Variants in CAPN1 observed in about 807,000 individuals in gnomAD.
The protein encoded by CAPN1 is calpain 1.
CAPN1 carries 77 observed loss-of-function variants against 105.2 expected under a neutral mutation model. The observed-to-expected ratio is 0.73, with a 90% confidence interval of 0.61 to 0.88. The LOEUF is 0.88. Among genes scored for constraint, CAPN1 ranks in the 40% least tolerant of loss-of-function variants. CAPN1 has a pLI of 0.00. For missense variants in CAPN1, 833 were observed against 976.6 expected, an observed-to-expected ratio of 0.85 and a Z score of 1.96; for synonymous variants, 355 against 388.8, an observed-to-expected ratio of 0.91 and a Z score of 1.02.
In CAPN1 at chr11:65,208,515, C is replaced by CA. The variant is rs1948997610; in HGVS notation, c.1729+254dup. Reference sequence around the variant, plus strand: ...CGCAGCCTGGCCAGGCACAGTGGCTCACACCTGTAGTCCCAACACTCTGGG... The same window carrying CA: ...CGCAGCCTGGCCAGGCACAGTGGCTCAACACCTGTAGTCCCAACACTCTGGG... On this transcript the variant is annotated intron_variant, in intron 16 of 21. Coordinates refer to ENST00000279247, the MANE Select transcript of CAPN1 (RefSeq NM_005186.4). The surrounding 1 kb of genome is among the most constrained non-coding windows in gnomAD (Gnocchi z 4.1). The CA allele has an allele frequency of 3.5e-6, 2 of 569,824 alleles. No homozygotes were observed. The highest frequency in any genetic ancestry group is 5.8e-5 in the Admixed American group (2 of 34,626). The allele number at this position is 569,824 out of a possible 1,614,324, so 35.3% of individuals were successfully genotyped here. A position where few individuals can be genotyped will look rare whatever the true frequency, so the allele number is the denominator to read the frequency against.
At position 65,210,313 on chromosome 11, in the gene CAPN1, C is replaced by A. The variant is rs17883292; in HGVS notation, c.1943-23C>A. ...TGGGCAGGGGCTGCGCCTCACTGAC[C>A]TTCACTCACTCTCCTGGACCAGGCT... is the stretch of plus-strand genomic sequence containing the variant. On this transcript the variant is annotated intron_variant, in intron 19 of 21. Coordinates refer to ENST00000279247, the MANE Select transcript of CAPN1 (RefSeq NM_005186.4). This position sits in a 1 kb window ranked among gnomAD's most constrained non-coding sequence, Gnocchi z 4.3. 2.2e-3 allele frequency: 3,462 copies of A among 1,553,690 alleles called. 66 individuals are homozygous for A. The African/African-American group carries it at 0.038, about 17-fold the overall frequency.
At position 65,209,192 on chromosome 11, in the gene CAPN1, T is replaced by A. The variant is rs1430215082; in HGVS notation, c.1730-131T>A. The A allele has an allele frequency of 1.4e-6, 1 of 694,770 alleles. No individual in the cohort carries two copies. Among genetic ancestry groups the A allele is most frequent in the African/African-American group, 1.8e-5 (1 of 56,690 alleles). 43.0% of individuals were successfully genotyped at this position (694,770 alleles called of 1,614,324 possible). A position where few individuals can be genotyped will look rare whatever the true frequency, so the allele number is the denominator to read the frequency against. On this transcript the variant is annotated intron_variant, in intron 16 of 21. Coordinates refer to ENST00000279247, the MANE Select transcript of CAPN1 (RefSeq NM_005186.4). The surrounding 1 kb of genome is among the most constrained non-coding windows in gnomAD (Gnocchi z 4.1). ...TGATGATACAAACAATCCTGCCCAC[T>A]TCCTCTGCCAGATATTGCACCCACT...
Position 65,211,309 on chromosome 11 carries a change from C to A in CAPN1, c.*23C>A, listed in dbSNP as rs1443122491. 1 of 1,610,504 alleles carries A rather than the reference C, an allele frequency of 6.2e-7. No homozygotes were observed. Among genetic ancestry groups the A allele is most frequent in the African/African-American group, 1.3e-5 (1 of 74,988 alleles). ...TGAGGCAGGGACTCGGTCCCCCTTGCCGTGCTCCCCTCCCTCCTCGTCTGC... is the reference window on the plus strand; with the variant it reads ...TGAGGCAGGGACTCGGTCCCCCTTGACGTGCTCCCCTCCCTCCTCGTCTGC... On this transcript the variant is annotated 3_prime_UTR_variant, in exon 22 of 22. Coordinates refer to ENST00000279247, the MANE Select transcript of CAPN1 (RefSeq NM_005186.4).
At chr11:65,195,944 G>A (rs570294631) in intron 10 of CAPN1, among the ~76,000 whole-genome samples, 1 of 152,020 alleles carries the variant, frequency 6.6e-6, no homozygotes, top group East Asian at 1.9e-4. Flanking sequence ...TTTTTCCTAG[G>A]TCAGTTTTGG....
In CAPN1 at chr11:65,186,338, C is replaced by T. The variant is rs185612692; in HGVS notation, c.759C>T (p.Asp253=). Residue 253 remains aspartate, a splice_region_variant and synonymous_variant, in exon 6 of 22, where the codon GAC becomes GAT. Transcript: ENST00000279247. The stretch of plus-strand genomic sequence containing the variant: ...GCTCCCTGCTGGGCTGCTCCATAGA[C>T]GTGAGTGTGCCCGGCCCCGATGCTT... ...ERGSLLGCSI[D]ISSVLDMEAI... 485 of 1,608,952 alleles carry T rather than the reference C, an allele frequency of 3.0e-4. 1 individual carries two copies. In the African/African-American group the frequency reaches 3.5e-3, roughly 12 times the overall value.
intron 10 of CAPN1, among the ~76,000 whole-genome samples, chr11:65,199,505 C>T (rs1311099937): frequency 6.6e-6 from 1 of 152,162 alleles, no homozygotes; most frequent in African/African-American, 2.4e-5. Context: ...TAGTCATGAT[C>T]TTTGAGAATA....
In CAPN1 at chr11:65,208,154, G is replaced by A. The variant is rs760453239; in HGVS notation, c.1671+34G>A. 8.8e-6 allele frequency: 14 copies of A among 1,597,568 alleles called. No homozygotes were observed. On this transcript the variant is annotated intron_variant, in intron 15 of 21. Transcript: ENST00000279247. This position sits in a 1 kb window ranked among gnomAD's most constrained non-coding sequence, Gnocchi z 4.1. ...GGGCATGGCAGGTTGGGAGGGGCCTGTGAGGGGCAGCCCTCTCCTGGGGCA... is the reference window on the plus strand; with the variant it reads ...GGGCATGGCAGGTTGGGAGGGGCCTATGAGGGGCAGCCCTCTCCTGGGGCA...
At chr11:65,190,706 T>TTG in intron 10 of CAPN1, among the ~76,000 whole-genome samples, 1 of 128,738 alleles carries the variant, frequency 7.8e-6, no homozygotes, top group East Asian at 2.3e-4. Flanking sequence ...GTTGTTGGTT[T>TTG]TTTTTGTTTT....
At chr11:65,198,705 T>G (rs562183447) in intron 10 of CAPN1, among the ~76,000 whole-genome samples, 2 of 152,226 alleles carry the variant, frequency 1.3e-5, no homozygotes, top group African/African-American at 4.8e-5. Flanking sequence ...AACATATCCT[T>G]TTGTATTTCC....
chr11:65,211,414 C>T lies in CAPN1; in HGVS notation c.*128C>T. 1 of 800,140 alleles carries T rather than the reference C, an allele frequency of 1.2e-6. No individual in the cohort carries two copies. The highest frequency in any genetic ancestry group is 2.1e-6 in the Non-Finnish European group (1 of 475,886). 49.6% of individuals were successfully genotyped at this position (800,140 alleles called of 1,614,324 possible). The stretch of plus-strand genomic sequence containing the variant: ...CTTGGAGCAGAGAGGCAGCCTCGTC[C>T]TCCTGTCCCCTCTCCTCCCAGCCAC... On this transcript the variant is annotated 3_prime_UTR_variant, in exon 22 of 22. Coordinates refer to ENST00000279247, the MANE Select transcript of CAPN1 (RefSeq NM_005186.4).
At chr11:65,185,834 T>C in intron 4 of CAPN1, 83 bp from the exon 5 acceptor site, 2 of 1,415,870 alleles carry the variant, frequency 1.4e-6, no homozygotes, top group Non-Finnish European at 1.9e-6. Context: ...TGTAGAATCC[T>C]GCATCTAGGA....
chr11:65,181,617 C>G (rs562239019), upstream of CAPN1: 361 of 407,514 alleles, frequency 8.9e-4, 7 homozygotes, highest in South Asian at 5.7e-3. The surrounding 1 kb of genome is among the most constrained non-coding windows in gnomAD (Gnocchi z 4.6). Flanking sequence ...AAAAATACCC[C>G]CTGCCCGGCC....
intron 10 of CAPN1, among the ~76,000 whole-genome samples, chr11:65,193,594 G>A (rs569647985): frequency 4.9e-5 from 7 of 143,332 alleles, no homozygotes; most frequent in East Asian, 2.1e-4. Context: ...GCAGTGAGCC[G>A]AGGTCGCGCC....
Position 65,208,462 on chromosome 11 carries a change from G to A in CAPN1, c.1729+200G>A, listed in dbSNP as rs2137395802. ...TGCCATCCTGATAATCCCTGTGCTCGGGTGCTGTGCCTTTGTGGGATTAGC... is the reference window on the plus strand; with the variant it reads ...TGCCATCCTGATAATCCCTGTGCTCAGGTGCTGTGCCTTTGTGGGATTAGC... On this transcript the variant is annotated intron_variant, in intron 16 of 21. Coordinates refer to ENST00000279247, the MANE Select transcript of CAPN1 (RefSeq NM_005186.4). This position sits in a 1 kb window ranked among gnomAD's most constrained non-coding sequence, Gnocchi z 4.1. 1.6e-6 allele frequency: 1 copy of A among 634,610 alleles called. No individual in the cohort carries two copies. Among genetic ancestry groups the A allele is most frequent in the South Asian group, 1.8e-5 (1 of 55,638 alleles). The allele number at this position is 634,610 out of a possible 1,614,324, so 39.3% of individuals were successfully genotyped here. A position where few individuals can be genotyped will look rare whatever the true frequency, so the allele number is the denominator to read the frequency against.
chr11:65,209,443 G>C lies in CAPN1; in HGVS notation c.1794+56G>C. The C allele has an allele frequency of 6.9e-7, 1 of 1,451,444 alleles. No homozygotes were observed. Among genetic ancestry groups the C allele is most frequent in the Non-Finnish European group, 9.6e-7 (1 of 1,041,262 alleles). The allele number at this position is 1,451,444 out of a possible 1,614,324, so 89.9% of individuals were successfully genotyped here. A position where few individuals can be genotyped will look rare whatever the true frequency, so the allele number is the denominator to read the frequency against. ...TGGGGTTTTGGGTGGAGGTATCGGT[G>C]CTGGGAGAACTGTCCCAGGACAGCA... On this transcript the variant is annotated intron_variant, in intron 17 of 21. Coordinates refer to ENST00000279247, the MANE Select transcript of CAPN1 (RefSeq NM_005186.4). The surrounding 1 kb of genome is among the most constrained non-coding windows in gnomAD (Gnocchi z 4.1).
chr11:65,194,404 GATAC>G (rs1488747459), intron 10 of CAPN1, among the ~76,000 whole-genome samples: 1 of 152,138 alleles, frequency 6.6e-6, no homozygotes, highest in Non-Finnish European at 1.5e-5. Flanking sequence ...ACACAATTTT[GATAC>G]ATAGTGTTTT....
At chr11:65,193,298 T>G (rs998167167) in intron 10 of CAPN1, among the ~76,000 whole-genome samples, 2 of 152,096 alleles carry the variant, frequency 1.3e-5, no homozygotes, top group African/African-American at 2.4e-5. Context: ...TATACTCTTA[T>G]GTCTCGTGTA....
At chr11:65,211,083 C>T (rs1347539806) in intron 21 of CAPN1, 177 bp from the exon 22 acceptor site, 1 of 775,608 alleles carries the variant, frequency 1.3e-6, no homozygotes, top group African/African-American at 1.7e-5. Flanking sequence ...TTGGAGGCCC[C>T]TATGGGAGCA....
intron 4 of CAPN1, among the ~76,000 whole-genome samples, chr11:65,183,831 G>C (rs551598784): frequency 6.6e-6 from 1 of 152,148 alleles, no homozygotes; most frequent in Non-Finnish European, 1.5e-5. Flanking sequence ...TGAAAGAACA[G>C]AAAGACTTTT....
Sources: gnomAD v4.1 joint callset for allele counts (sites outside exome capture counted in the v4.1 genomes callset) on GRCh38, gnomAD v4.1.1 for gene constraint, Gnocchi (gnomAD v3.1) non-coding constraint, MANE v1.5 for transcripts, NCBI Gene and HGNC (gene_info 2026-07-23, HGNC 2026-07-21) for gene names.